Variants in ROBO2 observed in about 807,000 individuals in gnomAD.
The protein encoded by ROBO2 is roundabout homolog 2.
In ROBO2, 53 loss-of-function variants were observed where a neutral mutation model predicts 160.8. The observed-to-expected ratio is 0.33, with a 90% CI of 0.26 to 0.41. ROBO2 has a LOEUF of 0.41. ROBO2 is among the 10% of genes least tolerant of loss of function. The pLI is 1.00. For missense variants in ROBO2, 1,577 were observed against 1,722.4 expected, an observed-to-expected ratio of 0.92 and a Z score of 1.49; for synonymous variants, 664 against 611.7, an observed-to-expected ratio of 1.09 and a Z score of -1.26.
intron 2 of ROBO2, among the ~76,000 whole-genome samples, chr3:76,973,523 C>T (rs553985690): frequency 2.5e-4 from 38 of 152,010 alleles, no homozygotes; most frequent in Non-Finnish European, 5.0e-4. Context: ...ATATAATCAA[C>T]CACTACTGTA....
chr3:76,011,383 T>G (rs2107612786), intron 2 of ROBO2, among the ~76,000 whole-genome samples: 1 of 152,310 alleles, frequency 6.6e-6, no homozygotes, highest in South Asian at 2.1e-4. Flanking sequence ...TCAGCACAAT[T>G]CTTGCATGCC....
intron 2 of ROBO2, among the ~76,000 whole-genome samples, chr3:77,460,564 A>T (rs564935912): frequency 1.3e-5 from 2 of 152,288 alleles, no homozygotes; most frequent in African/African-American, 4.8e-5. Context: ...GGCAAAGTAG[A>T]TGGATGAGTA....
At chr3:76,023,229 A>G (rs565493067) in intron 2 of ROBO2, among the ~76,000 whole-genome samples, 15 of 151,798 alleles carry the variant, frequency 9.9e-5, no homozygotes, top group African/African-American at 2.4e-4. Flanking sequence ...TACATTCTTT[A>G]TCGTTCATTT....
intron 2 of ROBO2, among the ~76,000 whole-genome samples, chr3:76,391,917 G>C (rs1222809604): frequency 6.6e-6 from 1 of 152,098 alleles, no homozygotes; most frequent in Non-Finnish European, 1.5e-5. Flanking sequence ...CAAGTTTGTT[G>C]TTTAAAACAA....
chr3:76,903,459 G>T (rs1370194187), intron 2 of ROBO2, among the ~76,000 whole-genome samples: 1 of 152,044 alleles, frequency 6.6e-6, no homozygotes. Flanking sequence ...GTACAGGTTT[G>T]TTTTCATTGA....
At chr3:75,957,358 G>GA (rs987691161) in intron 2 of ROBO2, among the ~76,000 whole-genome samples, 12 of 150,740 alleles carry the variant, frequency 8.0e-5, no homozygotes, top group African/African-American at 2.9e-4. Context: ...CTCATTTTGA[G>GA]AAAAAAAGGC....
chr3:76,723,603 C>T (rs192254795), intron 2 of ROBO2, among the ~76,000 whole-genome samples: 59 of 152,242 alleles, frequency 3.9e-4, no homozygotes, highest in African/African-American at 1.3e-3. Flanking sequence ...TCTTTGTCTC[C>T]TCTTTGTCCT....
chr3:77,383,775 G>T (rs557896558), intron 2 of ROBO2, among the ~76,000 whole-genome samples: 1 of 152,140 alleles, frequency 6.6e-6, no homozygotes, highest in African/African-American at 2.4e-5. Context: ...CTTTCCCTCT[G>T]CTTCATCCAT....
chr3:76,515,499 A>ATT (rs34049296), intron 2 of ROBO2, among the ~76,000 whole-genome samples: 50 of 148,002 alleles, frequency 3.4e-4, no homozygotes, highest in African/African-American at 6.2e-4. Context: ...CCTGCAAGGT[A>ATT]TTTTTTTTTT....
At chr3:76,203,136 G>A (rs1199079753) in intron 2 of ROBO2, among the ~76,000 whole-genome samples, 2 of 149,770 alleles carry the variant, frequency 1.3e-5, no homozygotes, top group East Asian at 2.0e-4. Context: ...CAATGTACCC[G>A]TGTATGTCTT....
At chr3:76,965,783 G>GTATATATATATATATATATATA (rs1392105349) in intron 2 of ROBO2, among the ~76,000 whole-genome samples, 2 of 68,016 alleles carry the variant, frequency 2.9e-5, no homozygotes, top group African/African-American at 1.9e-4. Context: ...TATTGTGTTT[G>GTATATATATATATATATATATA]TGTATATATA....
At chr3:76,696,971 G>A (rs1383054414) in intron 2 of ROBO2, among the ~76,000 whole-genome samples, 1 of 152,130 alleles carries the variant, frequency 6.6e-6, no homozygotes, top group Non-Finnish European at 1.5e-5. Flanking sequence ...TACAACAGTG[G>A]TGCTGGACTG....
At chr3:77,364,761 G>A (rs781544010) in intron 2 of ROBO2, among the ~76,000 whole-genome samples, 2 of 152,154 alleles carry the variant, frequency 1.3e-5, no homozygotes, top group Non-Finnish European at 2.9e-5. Context: ...GGTGTTGAGA[G>A]GAAAACTTTC....
intron 2 of ROBO2, among the ~76,000 whole-genome samples, chr3:76,026,483 T>C (rs1213800274): frequency 1.3e-5 from 2 of 151,958 alleles, no homozygotes; most frequent in African/African-American, 4.8e-5. Flanking sequence ...AAGAGGAATG[T>C]CCTTCAATAA....
At chr3:77,623,740 C>G (rs543755731) in intron 23 of ROBO2, among the ~76,000 whole-genome samples, 1 of 152,294 alleles carries the variant, frequency 6.6e-6, no homozygotes, top group South Asian at 2.1e-4. Flanking sequence ...GCCTGAATTT[C>G]CAGCATAATC....
chr3:76,035,003 T>C (rs1046189721), intron 2 of ROBO2, among the ~76,000 whole-genome samples: 2 of 152,036 alleles, frequency 1.3e-5, no homozygotes, highest in Admixed American at 1.3e-4. Context: ...CTCTTTAACC[T>C]TCGCTCAATA....
chr3:76,885,331 G>C (rs1019081401), intron 2 of ROBO2, among the ~76,000 whole-genome samples: 1 of 152,036 alleles, frequency 6.6e-6, no homozygotes, highest in Non-Finnish European at 1.5e-5. Flanking sequence ...ATTAAGCTTT[G>C]AATATGTGTG....
chr3:76,013,338 CACG>C (rs1262045809), intron 2 of ROBO2, among the ~76,000 whole-genome samples: 1 of 109,620 alleles, frequency 9.1e-6, no homozygotes, highest in Non-Finnish European at 1.9e-5. Context: ...TGGCGGCTGG[CACG>C]GTGGTGTATG....
In ROBO2 at chr3:76,752,685, G is replaced by A. The variant is rs116072142; in HGVS notation, c.110-345329G>A. ...AGGTTTGCTATGAAAAAGAGTTTCC[G>A]TGTTACTGAAGTGTTTGAGGAAAAC... On this transcript the variant is annotated intron_variant, in intron 2 of 26. Transcript: ENST00000487694. Among the ~76,000 whole-genome samples, 464 of 151,930 alleles carry A rather than the reference G, an allele frequency of 3.1e-3. 2 individuals are homozygous for A. Among genetic ancestry groups the A allele is most frequent in the African/African-American group, 0.011 (443 of 41,488 alleles).
Sources: allele counts gnomAD v4.1 joint callset (sites outside exome capture counted in the v4.1 genomes callset), GRCh38; gene constraint gnomAD v4.1.1; transcripts MANE v1.5; gene names NCBI Gene and HGNC (gene_info 2026-07-23, HGNC 2026-07-21).